CFAP251: variants seen among roughly 807,000 people sequenced by gnomAD.
CFAP251 encodes cilia and flagella associated protein 251.
In CFAP251, 93 loss-of-function variants were observed where a neutral mutation model predicts 126.7. That is an observed-to-expected ratio of 0.73 (90% CI 0.62 to 0.87). The LOEUF is 0.87. CFAP251 is among the 40% of genes least tolerant of loss of function. CFAP251 has a pLI of 0.00. For missense variants in CFAP251, 1,287 were observed against 1,389.2 expected, an observed-to-expected ratio of 0.93 and a Z score of 1.17; for synonymous variants, 503 against 506.9, an observed-to-expected ratio of 0.99 and a Z score of 0.10.
Position 121,923,644 on chromosome 12 carries a change from C to A in CFAP251, c.401C>A (p.Ser134Ter). The A allele has an allele frequency of 6.2e-7, 1 of 1,610,948 alleles. No individual in the cohort carries two copies. Among genetic ancestry groups the A allele is most frequent in the South Asian group, 1.1e-5 (1 of 90,156 alleles). The change falls in exon 3 of 22, where the codon TCA becomes TAA. Residue 134 changes from serine to a stop codon, truncating the protein, a stop_gained. Transcript: ENST00000288912. LOFTEE classifies it high-confidence loss of function. ...AAGAAAACCCAAAGAGGTAGCAAGT[C>A]AAAGCTTTCCTTACAATTGGAGGAT... ...IFPKTQRGSK[S>*]KLSLQLEDAE...
intron 19 of CFAP251, among the ~76,000 whole-genome samples, chr12:121,978,189 G>A (rs1226213127): frequency 2.7e-5 from 4 of 150,478 alleles, no homozygotes; most frequent in Admixed American, 6.6e-5. Context: ...TCAGGAGATC[G>A]AGACCATCCT....
chr12:121,954,443 GA>G lies in CFAP251; in HGVS notation c.1535+110del, dbSNP rs1881642615. ...TACACCTCTAATTTCAGTTCTTTGG[GA>G]GGCTGAGGTGGGAGGATCACATGAG... is the stretch of plus-strand genomic sequence containing the variant. On this transcript the variant is annotated intron_variant, in intron 10 of 21. Transcript: ENST00000288912. 5 of 1,023,300 alleles carry G rather than the reference GA, an allele frequency of 4.9e-6. No individual in the cohort carries two copies. The Admixed American group carries it at 1.1e-4, about 22-fold the overall frequency. The allele number at this position is 1,023,300 out of a possible 1,614,324, so 63.4% of individuals were successfully genotyped here.
chr12:121,936,666 C>T (rs925903846), intron 5 of CFAP251, among the ~76,000 whole-genome samples: 1 of 151,984 alleles, frequency 6.6e-6, no homozygotes, highest in Non-Finnish European at 1.5e-5. Flanking sequence ...TGGGATGTGA[C>T]ATGCTGTAAT....
At chr12:121,971,191 TGGG>T (rs1882318534) in intron 17 of CFAP251, among the ~76,000 whole-genome samples, 1 of 152,216 alleles carries the variant, frequency 6.6e-6, no homozygotes, top group African/African-American at 2.4e-5. Context: ...GGATTGGGCC[TGGG>T]CCTGGCCTGG....
At chr12:121,954,651 A>AAAAAAAC (rs1881657223) in intron 10 of CFAP251, among the ~76,000 whole-genome samples, 8 of 148,420 alleles carry the variant, frequency 5.4e-5, no homozygotes, top group Non-Finnish European at 1.0e-4. Context: ...AAAAAAAAAA[A>AAAAAAAC]AAAAAAAAAA....
chr12:121,997,623 A>G (rs1422029835), intron 19 of CFAP251: 1 of 151,360 alleles, frequency 6.6e-6, no homozygotes, highest in Admixed American at 6.6e-5. Context: ...TAGAGCACAA[A>G]TCTTGCATTT....
At chr12:121,987,446 G>T (rs1364862220) in intron 19 of CFAP251, among the ~76,000 whole-genome samples, 1 of 152,220 alleles carries the variant, frequency 6.6e-6, no homozygotes, top group Non-Finnish European at 1.5e-5. Context: ...CAGGCCTGGT[G>T]GTTCATACCC....
intron 7 of CFAP251, chr12:121,947,845 T>C (rs1004184312): frequency 8.5e-5 from 13 of 152,172 alleles, no homozygotes; most frequent in African/African-American, 2.9e-4. Context: ...CAGGCTTTTG[T>C]GCTGTTCTGA....
rs897562620 is a variant in CFAP251 at position 121,956,947 on chromosome 12, C to A, written c.1536-127C>A. The A allele has an allele frequency of 9.3e-6, 6 of 647,184 alleles. No homozygotes were observed. The Admixed American group carries it at 1.1e-4, about 12-fold the overall frequency. 40.1% of individuals were successfully genotyped at this position (647,184 alleles called of 1,614,324 possible). A position where few individuals can be genotyped will look rare whatever the true frequency, so the allele number is the denominator to read the frequency against. On this transcript the variant is annotated intron_variant, in intron 10 of 21. Coordinates refer to ENST00000288912, the MANE Select transcript of CFAP251 (RefSeq NM_144668.6). ...ATTGGGATAACAGTAAAATCATTCT[C>A]GTTGGGAGTATTAAATTAAGTTTTT...
Position 121,974,883 on chromosome 12 carries a change from G to A in CFAP251, c.2772-361G>A, listed in dbSNP as rs868762851. On this transcript the variant is annotated intron_variant, in intron 17 of 21. Coordinates refer to ENST00000288912, the MANE Select transcript of CFAP251 (RefSeq NM_144668.6). The surrounding 1 kb of genome is among the most constrained non-coding windows in gnomAD (Gnocchi z 4.6). Reference sequence around the variant, plus strand: ...TGATCGTTCGTGGATCTAAAGTTACGGGTAAGGCTGCTCTGTCTGGGAGGA... The same window carrying A: ...TGATCGTTCGTGGATCTAAAGTTACAGGTAAGGCTGCTCTGTCTGGGAGGA... Among the ~76,000 whole-genome samples the A allele has an allele frequency of 5.9e-5, 9 of 152,066 alleles. No individual in the cohort carries two copies. The highest frequency in any genetic ancestry group is 5.8e-4 in the East Asian group (3 of 5,196).
chr12:121,991,023 C>T (rs946724019), intron 19 of CFAP251, among the ~76,000 whole-genome samples: 1 of 152,196 alleles, frequency 6.6e-6, no homozygotes, highest in Non-Finnish European at 1.5e-5. Flanking sequence ...ATTGGCTTTG[C>T]ACTAAACCAA....
chr12:121,939,201 C>T (rs1025712906), intron 5 of CFAP251, among the ~76,000 whole-genome samples: 1 of 152,092 alleles, frequency 6.6e-6, no homozygotes, highest in Admixed American at 6.5e-5. Context: ...GATTGTGTTG[C>T]CACCCTGATT....
At chr12:121,956,215 G>A (rs986017994) in intron 10 of CFAP251, among the ~76,000 whole-genome samples, 6 of 152,164 alleles carry the variant, frequency 3.9e-5, no homozygotes, top group Non-Finnish European at 1.5e-5. Flanking sequence ...CCTGTAAAGT[G>A]GCTAGTGTCC....
chr12:121,976,834 C>T (rs1038505703), intron 19 of CFAP251, among the ~76,000 whole-genome samples: 17 of 152,200 alleles, frequency 1.1e-4, no homozygotes, highest in African/African-American at 3.1e-4. Flanking sequence ...ACTTGAGCCC[C>T]AGAGGTGGAG....
chr12:121,979,867 C>T (rs1882576514), intron 19 of CFAP251, among the ~76,000 whole-genome samples: 1 of 151,996 alleles, frequency 6.6e-6, no homozygotes, highest in South Asian at 2.1e-4. Flanking sequence ...TGCCCGGCCT[C>T]AGCCTTATTC....
chr12:121,969,422 T>C (rs929111675), intron 17 of CFAP251: 3 of 985,392 alleles, frequency 3.0e-6, no homozygotes, highest in Non-Finnish European at 2.4e-6. Context: ...CCTTGCTCCC[T>C]GGCTTGTTGC....
intron 19 of CFAP251, among the ~76,000 whole-genome samples, chr12:121,994,106 G>A (rs1215447095): frequency 1.7e-5 from 2 of 119,234 alleles, no homozygotes; most frequent in Non-Finnish European, 3.6e-5. Context: ...CTACTGGGAA[G>A]TGAGGAGCCC....
intron 13 of CFAP251, 119 bp downstream of exon 13, chr12:121,959,213 G>A: frequency 9.5e-7 from 1 of 1,051,026 alleles, no homozygotes; most frequent in Non-Finnish European, 1.3e-6. Context: ...GAGGTGGGAG[G>A]ATCATTGGAG....
chr12:121,942,176 T>A (rs568296178), intron 5 of CFAP251, among the ~76,000 whole-genome samples: 2 of 152,298 alleles, frequency 1.3e-5, no homozygotes, highest in South Asian at 4.1e-4. Flanking sequence ...TACACTCTTA[T>A]GCAACCATCA....
Sources: allele counts gnomAD v4.1 joint callset (sites outside exome capture counted in the v4.1 genomes callset), GRCh38; gene constraint gnomAD v4.1.1; non-coding constraint Gnocchi (gnomAD v3.1); transcripts MANE v1.5; gene names NCBI Gene and HGNC (gene_info 2026-07-23, HGNC 2026-07-21).